The following GNA12 variants were observed in gnomAD, a reference collection of about 807,000 sequenced individuals.
GNA12 encodes G protein subunit alpha 12.
In GNA12, 9 loss-of-function variants were observed where a neutral mutation model predicts 26.0. That is an observed-to-expected ratio of 0.35 (90% confidence interval 0.21 to 0.60). The LOEUF is 0.60. Ranked by LOEUF, GNA12 falls within the 20% of genes least tolerant of loss-of-function variation. The probability of loss-of-function intolerance (pLI) is 0.78; values close to 1 mark genes in which losing one functional copy is unlikely to be tolerated. For missense variants in GNA12, 405 were observed against 525.8 expected (o/e 0.77, Z 2.25); for synonymous variants, 264 against 219.6 (o/e 1.20, Z -1.79).
chr7:2,804,092 T>G (rs1792882930), intron 1 of GNA12, among the ~76,000 whole-genome samples: 1 of 152,200 alleles, frequency 6.6e-6, no homozygotes, highest in Non-Finnish European at 1.5e-5. Context: ...ATCGTCCTCT[T>G]AAGTACAGAA....
intron 2 of GNA12, among the ~76,000 whole-genome samples, chr7:2,786,659 C>T (rs1792368695): frequency 6.6e-6 from 1 of 152,282 alleles, no homozygotes; most frequent in South Asian, 2.1e-4. Flanking sequence ...GGGGCTGGTG[C>T]GATTTGCTGA....
rs1398670516 is a variant in GNA12 at position 2,731,883 on chromosome 7, C to G, written c.577-133G>C. 2.3e-5 allele frequency: 12 copies of G among 524,550 alleles called. No homozygotes were observed. The East Asian group carries it at 3.2e-4, about 14-fold the overall frequency. 32.5% of individuals were successfully genotyped at this position (524,550 alleles called of 1,614,324 possible). Reference sequence around the variant, plus strand: ...AACAGGTTGAACCAGAAACCAAAAGCAAATTTCATTTATAACATTATCAAC... The same window carrying G: ...AACAGGTTGAACCAGAAACCAAAAGGAAATTTCATTTATAACATTATCAAC... On this transcript the variant is annotated intron_variant, in intron 3 of 3. Transcript: ENST00000275364. This position sits in a 1 kb window ranked among gnomAD's most constrained non-coding sequence, Gnocchi z 6.0.
At chr7:2,840,671 C>A (rs1778965502) in intron 1 of GNA12, among the ~76,000 whole-genome samples, 1 of 152,084 alleles carries the variant, frequency 6.6e-6, no homozygotes, top group Non-Finnish European at 1.5e-5. Context: ...CCAGCCTGGG[C>A]AACATAGTGA....
chr7:2,743,191 G>A (rs190077431), intron 2 of GNA12, among the ~76,000 whole-genome samples: 1 of 152,240 alleles, frequency 6.6e-6, no homozygotes. Flanking sequence ...TATATATGGG[G>A]GCAAACTGAA....
At chr7:2,790,981 A>G (rs914713981) in intron 2 of GNA12, among the ~76,000 whole-genome samples, 10 of 152,152 alleles carry the variant, frequency 6.6e-5, no homozygotes, top group Admixed American at 2.0e-4. Flanking sequence ...CTTTAAAAAA[A>G]AAAAAAAAAG....
intron 3 of GNA12, among the ~76,000 whole-genome samples, chr7:2,732,707 G>A (rs1054905771): frequency 1.3e-5 from 2 of 152,178 alleles, no homozygotes; most frequent in African/African-American, 4.8e-5. Flanking sequence ...AGGGGACAGA[G>A]AAACATCTTC....
At chr7:2,754,402 G>T (rs1455425856) in intron 2 of GNA12, among the ~76,000 whole-genome samples, 1 of 152,112 alleles carries the variant, frequency 6.6e-6, no homozygotes, top group African/African-American at 2.4e-5. Flanking sequence ...TATGTAGTCA[G>T]CAAATACTTT....
chr7:2,793,521 AGACTAT>A (rs1792573655), intron 2 of GNA12, among the ~76,000 whole-genome samples: 1 of 152,174 alleles, frequency 6.6e-6, no homozygotes, highest in Admixed American at 6.5e-5. Flanking sequence ...GACTATTAGC[AGACTAT>A]ATAGCACCTC....
intron 2 of GNA12, among the ~76,000 whole-genome samples, chr7:2,743,778 G>C (rs1428997324): frequency 6.6e-6 from 1 of 152,190 alleles, no homozygotes; most frequent in Non-Finnish European, 1.5e-5. Flanking sequence ...CCTACTCAAA[G>C]AAAGGGGTGA....
At chr7:2,769,212 G>A (rs534957248) in intron 2 of GNA12, among the ~76,000 whole-genome samples, 2 of 152,052 alleles carry the variant, frequency 1.3e-5, no homozygotes, top group Non-Finnish European at 2.9e-5. Context: ...CCACCTTAGA[G>A]CTGTTTCTGT....
intron 2 of GNA12, among the ~76,000 whole-genome samples, chr7:2,782,460 T>C (rs981077047): frequency 5.3e-5 from 8 of 152,112 alleles, no homozygotes; most frequent in Non-Finnish European, 1.0e-4. Context: ...CTCAATTAGA[T>C]TGAGAGTTAA....
intron 1 of GNA12, chr7:2,814,993 A>T: frequency 1.9e-6 from 3 of 1,546,244 alleles, no homozygotes; most frequent in Non-Finnish European, 1.7e-6. Flanking sequence ...ACGTCACTGT[A>T]TCCAGGTCTA....
Position 2,731,078 on chromosome 7 carries a change from TC to T in GNA12, c.*102del. 2 of 743,724 alleles carry T rather than the reference TC, an allele frequency of 2.7e-6. No homozygotes were observed. Among genetic ancestry groups the T allele is most frequent in the South Asian group, 3.5e-5 (2 of 56,342 alleles). The allele number at this position is 743,724 out of a possible 1,614,324, so 46.1% of individuals were successfully genotyped here. A position where few individuals can be genotyped will look rare whatever the true frequency, so the allele number is the denominator to read the frequency against. ...TGAGCCAGGTATTCCAGGGCACGGA[TC>T]CGAGAAACCCACTCAAGGACCACAC... On this transcript the variant is annotated 3_prime_UTR_variant, in exon 4 of 4. Transcript: ENST00000275364. This position sits in a 1 kb window ranked among gnomAD's most constrained non-coding sequence, Gnocchi z 6.0.
chr7:2,785,805 G>A (rs1316496444), intron 2 of GNA12, among the ~76,000 whole-genome samples: 2 of 152,182 alleles, frequency 1.3e-5, no homozygotes, highest in African/African-American at 4.8e-5. Flanking sequence ...CCAGCACTTT[G>A]GGAGACTGAG....
At chr7:2,810,370 A>T (rs1363804450) in intron 1 of GNA12, among the ~76,000 whole-genome samples, 1 of 152,186 alleles carries the variant, frequency 6.6e-6, no homozygotes, top group Non-Finnish European at 1.5e-5. Context: ...CACTCCCCAA[A>T]GGCCCCACCC....
intron 2 of GNA12, among the ~76,000 whole-genome samples, chr7:2,787,584 C>T (rs1792394401): frequency 6.6e-6 from 1 of 152,200 alleles, no homozygotes; most frequent in African/African-American, 2.4e-5. Flanking sequence ...CGGGAAACGC[C>T]ACTCTGGGAA....
intron 1 of GNA12, among the ~76,000 whole-genome samples, chr7:2,833,804 AG>A (rs1423474140): frequency 2.6e-5 from 4 of 152,188 alleles, no homozygotes; most frequent in African/African-American, 9.7e-5. Context: ...CGCAGCATCA[AG>A]CCTAAAGAGG....
chr7:2,827,291 C>A (rs773357121), intron 1 of GNA12, among the ~76,000 whole-genome samples: 2 of 152,020 alleles, frequency 1.3e-5, no homozygotes, highest in Non-Finnish European at 2.9e-5. Context: ...GTGATTGGAA[C>A]GTTTTGGAAT....
chr7:2,783,144 C>A (rs1358600477), intron 2 of GNA12, among the ~76,000 whole-genome samples: 2 of 152,150 alleles, frequency 1.3e-5, no homozygotes, highest in Non-Finnish European at 2.9e-5. Flanking sequence ...GTGTTGTCTA[C>A]CTGGGAGTCT....
Sources: gnomAD v4.1 joint callset for allele counts (sites outside exome capture counted in the v4.1 genomes callset) on GRCh38, gnomAD v4.1.1 for gene constraint, Gnocchi (gnomAD v3.1) non-coding constraint, MANE v1.5 for transcripts, NCBI Gene and HGNC (gene_info 2026-07-23, HGNC 2026-07-21) for gene names.